FAT3: variants seen among roughly 807,000 people sequenced by gnomAD.
The protein encoded by FAT3 is protocadherin Fat 3.
A neutral mutation model predicts 310.2 loss-of-function variants in FAT3; 95 were observed. That is an observed-to-expected ratio of 0.31 (90% CI 0.26 to 0.36). FAT3 has a LOEUF of 0.36. Among genes scored for constraint, FAT3 ranks in the 10% least tolerant of loss-of-function variants. FAT3 has a pLI of 1.00. For missense variants in FAT3, 5,408 were observed against 5,715.6 expected (o/e 0.95, Z 1.74); for synonymous variants, 2,314 against 2,192.9 (o/e 1.06, Z -1.54).
chr11:92,713,293 T>C (rs115624002), intron 4 of FAT3, among the ~76,000 whole-genome samples: 26 of 152,318 alleles, frequency 1.7e-4, no homozygotes, highest in African/African-American at 6.3e-4. Flanking sequence ...TCTCCTTGAT[T>C]GTCATGCATT....
rs183573783 is a variant in FAT3, at chr11:92,809,324, C to T, written c.9248-519C>T. Among the ~76,000 whole-genome samples the T allele has an allele frequency of 2.1e-3, 327 of 152,290 alleles. 1 individual carries two copies. The highest frequency in any genetic ancestry group is 0.01 in the Middle Eastern group (3 of 294). ...ATAGGGGTCCTTCAAGACCCTGCCC[C>T]GCTAAAGCCAGCTTCTGTTTTCATT... On this transcript the variant is annotated intron_variant, in intron 12 of 27. Coordinates refer to ENST00000525166, the MANE Select transcript of FAT3 (RefSeq NM_001367949.2).
rs10528724 is a variant in FAT3 at position 92,649,874 on chromosome 11, CATATATATATATATATATATATATATAT to C, written c.3608-47495_3608-47468del. On this transcript the variant is annotated intron_variant, in intron 3 of 27. Coordinates refer to ENST00000525166, the MANE Select transcript of FAT3 (RefSeq NM_001367949.2). Reference sequence around the variant, plus strand: ...TTGTTAAACACCCACTTTGTATGTTCATATATATATATATATATATATATATATATATATATATATATGCACCTTCTTT... The same window carrying C: ...TTGTTAAACACCCACTTTGTATGTTCATATATATATATATGCACCTTCTTT... Among the ~76,000 whole-genome samples the C allele has an allele frequency of 1.5e-3, 74 of 49,662 alleles. 2 individuals are homozygous for C. In the South Asian group the frequency reaches 0.042, roughly 28 times the overall value. 32.6% of individuals were successfully genotyped at this position (49,662 alleles called of 152,430 possible).
intron 3 of FAT3, among the ~76,000 whole-genome samples, chr11:92,644,250 G>T (rs1315477172): frequency 6.6e-6 from 1 of 152,244 alleles, no homozygotes; most frequent in African/African-American, 2.4e-5. Flanking sequence ...CTCAGTTGCA[G>T]GTCATGGGTT....
chr11:92,891,346 G>A lies in FAT3; in HGVS notation c.*233G>A. The A allele has an allele frequency of 1.7e-6, 1 of 582,502 alleles. No individual in the cohort carries two copies. The highest frequency in any genetic ancestry group is 3.0e-6 in the Non-Finnish European group (1 of 335,326). 36.1% of individuals were successfully genotyped at this position (582,502 alleles called of 1,614,324 possible). ...AGGTGACTGGTAATCCTTGATGTAG[G>A]TACCTATGTTCACAGCTAAAAATGC... On this transcript the variant is annotated 3_prime_UTR_variant, in exon 28 of 28. Transcript: ENST00000525166.
At chr11:92,313,254 C>A (rs940715534) in intron 1 of FAT3, among the ~76,000 whole-genome samples, 5 of 152,144 alleles carry the variant, frequency 3.3e-5, no homozygotes, top group Non-Finnish European at 5.9e-5. Flanking sequence ...CAAAAATGCA[C>A]CCATGTTTTA....
intron 1 of FAT3, among the ~76,000 whole-genome samples, chr11:92,290,399 G>T (rs1287084373): frequency 6.6e-6 from 1 of 152,142 alleles, no homozygotes; most frequent in Non-Finnish European, 1.5e-5. Flanking sequence ...ATAAATGAAT[G>T]AATGCTTTCC....
At chr11:92,295,538 C>T (rs1216227504) in intron 1 of FAT3, among the ~76,000 whole-genome samples, 3 of 152,110 alleles carry the variant, frequency 2.0e-5, no homozygotes, top group Non-Finnish European at 4.4e-5. Context: ...AATCAGCCTC[C>T]CACAATGATC....
chr11:92,797,264 G>A (rs911126487), intron 9 of FAT3, among the ~76,000 whole-genome samples: 12 of 152,190 alleles, frequency 7.9e-5, no homozygotes, highest in African/African-American at 2.9e-4. Flanking sequence ...CTTCACCAAA[G>A]TAGTGTTTTG....
At chr11:92,620,836 T>C (rs1367526051) in intron 3 of FAT3, among the ~76,000 whole-genome samples, 1 of 152,192 alleles carries the variant, frequency 6.6e-6, no homozygotes, top group Non-Finnish European at 1.5e-5. Flanking sequence ...TGGAAGAGTC[T>C]GGGAATTCTA....
rs565408397 is a variant in FAT3, at chr11:92,432,267, A to C, written c.3292+76863A>C. ...TTTATTCTCTTTGAAGCAATTGTGA[A>C]TGGGAGTTCACTCATGATTTGGCTG... On this transcript the variant is annotated intron_variant, in intron 2 of 27. Coordinates refer to ENST00000525166, the MANE Select transcript of FAT3 (RefSeq NM_001367949.2). Among the ~76,000 whole-genome samples the C allele has an allele frequency of 1.2e-3, 185 of 152,258 alleles. 1 individual carries two copies. The highest frequency in any genetic ancestry group is 1.7e-3 in the Non-Finnish European group (117 of 68,020).
chr11:92,396,780 C>T (rs982087636), intron 2 of FAT3, among the ~76,000 whole-genome samples: 2 of 152,222 alleles, frequency 1.3e-5, no homozygotes, highest in South Asian at 4.1e-4. Context: ...AGTCTTAGCT[C>T]ACTGCAACCT....
chr11:92,746,102 C>T (rs1274763096), intron 4 of FAT3, among the ~76,000 whole-genome samples: 2 of 152,202 alleles, frequency 1.3e-5, no homozygotes, highest in African/African-American at 4.8e-5. Context: ...GTATTCTTTC[C>T]TAAAAGCACA....
intron 2 of FAT3, among the ~76,000 whole-genome samples, chr11:92,396,007 T>G (rs920577114): frequency 1.3e-5 from 2 of 152,176 alleles, no homozygotes; most frequent in African/African-American, 4.8e-5. Context: ...GAGAAATTAG[T>G]GTTTTACCCT....
At chr11:92,571,272 T>G (rs990873271) in intron 3 of FAT3, among the ~76,000 whole-genome samples, 4 of 152,170 alleles carry the variant, frequency 2.6e-5, no homozygotes, top group Admixed American at 2.6e-4. Flanking sequence ...TTCCTTTCCC[T>G]GCTTCTTAAG....
intron 3 of FAT3, among the ~76,000 whole-genome samples, chr11:92,546,474 T>C (rs1954622506): frequency 6.6e-6 from 1 of 152,162 alleles, no homozygotes; most frequent in Non-Finnish European, 1.5e-5. Context: ...AGAAGATTAA[T>C]ACATGATGAG....
chr11:92,888,856 C>T (rs1390376158), intron 25 of FAT3, among the ~76,000 whole-genome samples: 1 of 152,168 alleles, frequency 6.6e-6, no homozygotes, highest in East Asian at 1.9e-4. Flanking sequence ...GATAAATTAG[C>T]AAGAGCTTGA....
chr11:92,787,425 C>A (rs956194913), intron 7 of FAT3, among the ~76,000 whole-genome samples: 3 of 151,622 alleles, frequency 2.0e-5, no homozygotes, highest in Middle Eastern at 3.4e-3. Flanking sequence ...AATTTGAACA[C>A]AAGTGGAAAC....
chr11:92,708,877 C>A (rs1944439142), intron 4 of FAT3, among the ~76,000 whole-genome samples: 1 of 152,202 alleles, frequency 6.6e-6, no homozygotes, highest in African/African-American at 2.4e-5. Flanking sequence ...ATGTAAGTTG[C>A]AATAGCTTAT....
At chr11:92,394,133 G>A (rs1428184788) in intron 2 of FAT3, among the ~76,000 whole-genome samples, 2 of 152,152 alleles carry the variant, frequency 1.3e-5, no homozygotes, top group Non-Finnish European at 1.5e-5. Context: ...GACTTATTTA[G>A]GAGGCACTAT....
Sources: gnomAD v4.1 joint callset for allele counts (sites outside exome capture counted in the v4.1 genomes callset) on GRCh38, gnomAD v4.1.1 for gene constraint, MANE v1.5 for transcripts, NCBI Gene and HGNC (gene_info 2026-07-23, HGNC 2026-07-21) for gene names.